MYCBP2: variants seen among roughly 807,000 people sequenced by gnomAD.
MYCBP2 encodes the protein E3 ubiquitin-protein ligase MYCBP2.
Under a neutral mutation model 525.3 loss-of-function variants are expected in MYCBP2, and 120 were observed. The ratio of observed to expected loss-of-function variants is 0.23; its 90% CI spans 0.20 to 0.27. The LOEUF (loss-of-function observed/expected upper bound fraction) is 0.27. MYCBP2 is among the 10% of genes least tolerant of loss of function. MYCBP2 has a pLI of 1.00. For synonymous variants in MYCBP2, 1,894 were observed against 1,955.8 expected (o/e 0.97, Z 0.83); for missense variants, 4,149 against 5,657.1 (o/e 0.73, Z 8.55).
At chr13:77,052,292 G>A (rs149281685) in intron 80 of MYCBP2, among the ~76,000 whole-genome samples, 2 of 152,118 alleles carry the variant, frequency 1.3e-5, no homozygotes, top group Non-Finnish European at 2.9e-5. Flanking sequence ...TCAACCTCTT[G>A]GGCTCAGGCG....
At chr13:77,233,309 A>C in intron 17 of MYCBP2, 46 bp from the exon 18 acceptor site, 1 of 1,360,874 alleles carries the variant, frequency 7.3e-7, no homozygotes, top group Non-Finnish European at 1.0e-6. Flanking sequence ...TCACAAAATG[A>C]AAACACTATA....
At position 77,194,154 on chromosome 13, in the gene MYCBP2, T is replaced by C; in HGVS notation, c.3934A>G (p.Arg1312Gly). The part of the protein sequence containing the change: ...TDVLAYDCAA[R>G]EKYAMMFDEP... The stretch of plus-strand genomic sequence containing the variant: ...ATGAATAATGCACAAATTATTTACC[T>C]AGCAGCACAGTCATAAGCCAATACA... The change falls in exon 27 of 83, where the codon AGA becomes GGA. Residue 1312 changes from arginine (R) to glycine (G), a missense_variant and splice_region_variant. Arg to Gly is a moderately radical substitution (Grantham distance 125). Transcript: ENST00000544440. The C allele has an allele frequency of 6.2e-7, 1 of 1,603,334 alleles. No individual in the cohort carries two copies. The highest frequency in any genetic ancestry group is 8.5e-7 in the Non-Finnish European group (1 of 1,172,160).
intron 14 of MYCBP2, among the ~76,000 whole-genome samples, chr13:77,255,714 G>GATGC (rs1161567672): frequency 6.6e-6 from 1 of 151,728 alleles, no homozygotes; most frequent in African/African-American, 2.4e-5. Context: ...TTTTTAAAGT[G>GATGC]ATGCATTTTA....
intron 2 of MYCBP2, among the ~76,000 whole-genome samples, chr13:77,288,821 C>T (rs992687984): frequency 1.3e-5 from 2 of 152,078 alleles, no homozygotes; most frequent in Non-Finnish European, 2.9e-5. Context: ...AAATGAGGGC[C>T]TCCCAAAAAA....
intron 14 of MYCBP2, 106 bp downstream of exon 14, chr13:77,257,565 A>G (rs1261278583): frequency 4.3e-6 from 5 of 1,170,244 alleles, no homozygotes; most frequent in Non-Finnish European, 3.5e-6. Flanking sequence ...CAAAAAGAAA[A>G]AGAAGAGCCA....
chr13:77,294,109 T>TATATATATATATATATATATATATATAC (rs1421433401), intron 2 of MYCBP2, among the ~76,000 whole-genome samples: 25 of 52,412 alleles, frequency 4.8e-4, no homozygotes, highest in Non-Finnish European at 9.2e-4. Flanking sequence ...AATGGCTATA[T>TATATATATATATATATATATATATATAC]ATATATATAT....
At chr13:77,100,415 AAT>A (rs1283779228) in intron 55 of MYCBP2, 1 of 152,050 alleles carries the variant, frequency 6.6e-6, no homozygotes, top group Non-Finnish European at 1.5e-5. Context: ...GTATTCAATA[AAT>A]ATGTGTTGAA....
At chr13:77,074,119 T>C (rs1442027196) in intron 68 of MYCBP2, among the ~76,000 whole-genome samples, 2 of 150,370 alleles carry the variant, frequency 1.3e-5, no homozygotes, top group Non-Finnish European at 1.5e-5. Context: ...TAGAACCTGA[T>C]ATCAAGACTT....
intron 17 of MYCBP2, among the ~76,000 whole-genome samples, chr13:77,233,882 G>GAA (rs1417981228): frequency 6.6e-6 from 1 of 151,560 alleles, no homozygotes; most frequent in African/African-American, 2.4e-5. Flanking sequence ...GAGAACGAGA[G>GAA]AGAGAGAGAG....
intron 52 of MYCBP2, among the ~76,000 whole-genome samples, chr13:77,138,964 A>G (rs2054176557): frequency 6.6e-6 from 1 of 152,204 alleles, no homozygotes; most frequent in Non-Finnish European, 1.5e-5. Context: ...GTAGCAATTA[A>G]TTAAATTTAC....
chr13:77,139,279 C>T lies in MYCBP2; in HGVS notation c.7576G>A (p.Val2526Ile). The T allele has an allele frequency of 1.9e-6, 3 of 1,613,898 alleles. No individual in the cohort carries two copies. Among genetic ancestry groups the T allele is most frequent in the Non-Finnish European group, 2.5e-6 (3 of 1,179,862 alleles). Residue 2526 changes from valine to isoleucine, a missense_variant, in exon 52 of 83, where the codon GTC (valine) becomes ATC (isoleucine). By Grantham distance (29) the Val-to-Ile change is conservative (BLOSUM62 3). This residue lies in a region of MYCBP2 where 692 missense variants were observed against 852.7 expected (regional missense o/e 0.81). Coordinates refer to ENST00000544440, the MANE Select transcript of MYCBP2 (RefSeq NM_015057.5). ...RLNDETIKKY[V>I]PNMNGYTEAW... is the part of the protein sequence containing the mutation. Reference sequence around the variant, plus strand: ...TCAGTGTAACCATTCATGTTAGGGACATACTTCTTTATTGTCTCATCATTC... The same window carrying T: ...TCAGTGTAACCATTCATGTTAGGGATATACTTCTTTATTGTCTCATCATTC...
intron 38 of MYCBP2, among the ~76,000 whole-genome samples, chr13:77,170,144 T>G (rs2058994515): frequency 6.6e-6 from 1 of 152,212 alleles, no homozygotes; most frequent in African/African-American, 2.4e-5. Flanking sequence ...CACAACAGTA[T>G]TCCTCTCATT....
intron 21 of MYCBP2, among the ~76,000 whole-genome samples, chr13:77,216,979 G>A (rs2064912621): frequency 6.6e-6 from 1 of 152,212 alleles, no homozygotes; most frequent in Admixed American, 6.5e-5. Flanking sequence ...CACACTGCGT[G>A]TGTGAGAAAG....
chr13:77,056,103 T>G (rs397832830), intron 79 of MYCBP2, among the ~76,000 whole-genome samples: 25 of 66,630 alleles, frequency 3.8e-4, no homozygotes, highest in African/African-American at 1.1e-3. Flanking sequence ...GTGTTTGGTG[T>G]GTGTGTGTGT....
intron 68 of MYCBP2, among the ~76,000 whole-genome samples, chr13:77,071,271 GCACACACACACACACA>G (rs71814048): frequency 4.2e-5 from 6 of 142,736 alleles, no homozygotes; most frequent in African/African-American, 1.6e-4. Context: ...GTGTGCACAC[GCACACACACACACACA>G]CACACACACA....
In MYCBP2 at chr13:77,145,966, T is replaced by C. The variant is rs113452218; in HGVS notation, c.7187+196A>G. Among the ~76,000 whole-genome samples the C allele has an allele frequency of 3.3e-5, 5 of 152,160 alleles. 1 individual carries two copies. The highest frequency in any genetic ancestry group is 1.2e-4 in the African/African-American group (5 of 41,534). On this transcript the variant is annotated intron_variant, in intron 48 of 82. Coordinates refer to ENST00000544440, the MANE Select transcript of MYCBP2 (RefSeq NM_015057.5). Reference sequence around the variant, plus strand: ...CTAGTAGGTAGTATTATGTAATATATTGGCAGTATTACAGTTGAATGTAAA... The same window carrying C: ...CTAGTAGGTAGTATTATGTAATATACTGGCAGTATTACAGTTGAATGTAAA...
rs2042245382 is a variant in MYCBP2 at position 77,076,093 on chromosome 13, GTT to G, written c.11823+656_11823+657del. The G allele has an allele frequency of 2.0e-5, 3 of 152,266 alleles. No homozygotes were observed. The South Asian group carries it at 6.2e-4, about 32-fold the overall frequency. The allele number at this position is 152,266 out of a possible 1,614,324, so 9.4% of individuals were successfully genotyped here. ...GAAGTACAAAAGTTTTAGGTATAGT[GTT>G]TTAGTCAGGACCGAAAAAGTAAAGC... is the stretch of plus-strand genomic sequence containing the variant. On this transcript the variant is annotated intron_variant, in intron 68 of 82. Transcript: ENST00000544440.
At chr13:77,069,887 A>C (rs1245269855) in intron 69 of MYCBP2, among the ~76,000 whole-genome samples, 3 of 152,014 alleles carry the variant, frequency 2.0e-5, no homozygotes, top group Non-Finnish European at 2.9e-5. Flanking sequence ...AAAAGTTAGA[A>C]TAATAGGTTA....
chr13:77,234,772 C>A (rs2067647940), intron 17 of MYCBP2, among the ~76,000 whole-genome samples: 1 of 151,772 alleles, frequency 6.6e-6, no homozygotes, highest in African/African-American at 2.4e-5. Flanking sequence ...TGTTACAAAG[C>A]AGATATATAA....
Sources: allele counts gnomAD v4.1 joint callset (sites outside exome capture counted in the v4.1 genomes callset), GRCh38; gene constraint gnomAD v4.1.1; regional missense constraint gnomAD v4.1.1; transcripts MANE v1.5; gene names NCBI Gene and HGNC (gene_info 2026-07-23, HGNC 2026-07-21).